Variants in ADAMTSL1 observed in about 807,000 individuals in gnomAD.
ADAMTSL1 encodes ADAMTS-like protein 1.
Under a neutral mutation model 201.8 loss-of-function variants are expected in ADAMTSL1, and 126 were observed. The observed-to-expected ratio is 0.62, with a 90% CI of 0.54 to 0.72. The LOEUF (loss-of-function observed/expected upper bound fraction) is 0.72, where lower values mean the gene tolerates loss of function less well. ADAMTSL1 is among the 30% of genes least tolerant of loss of function. ADAMTSL1 has a pLI of 0.00. For missense variants in ADAMTSL1, 2,679 were observed against 2,277.8 expected, an observed-to-expected ratio of 1.18 and a Z score of -3.59; for synonymous variants, 1,121 against 903.4, an observed-to-expected ratio of 1.24 and a Z score of -4.32.
In ADAMTSL1 at chr9:18,275,267, G is replaced by A. The variant is rs376915693; in HGVS notation, c.207+111286G>A. On this transcript the variant is annotated intron_variant, in intron 2 of 29. Transcript: ENST00000680146. Reference sequence around the variant, plus strand: ...TATTCACTTACTCCCATTATTGTGCGCATTACTTTATAGCTATTAATAAAA... The same window carrying A: ...TATTCACTTACTCCCATTATTGTGCACATTACTTTATAGCTATTAATAAAA... Among the ~76,000 whole-genome samples, 41 of 152,186 alleles carry A rather than the reference G, an allele frequency of 2.7e-4. No homozygotes were observed. The South Asian group carries it at 2.7e-3, about 10-fold the overall frequency.
intron 1 of ADAMTSL1, among the ~76,000 whole-genome samples, chr9:18,079,213 T>C (rs1272400034): frequency 1.3e-5 from 2 of 152,224 alleles, no homozygotes; most frequent in African/African-American, 2.4e-5. Flanking sequence ...CTCAGTCTTT[T>C]ACTCTCATCC....
chr9:18,825,997 T>A, intron 21 of ADAMTSL1: 2 of 563,336 alleles, frequency 3.6e-6, no homozygotes, highest in Middle Eastern at 4.6e-4. Context: ...TGTACTGGCC[T>A]CCCTCTTCCT....
At chr9:18,675,718 G>C (rs779976033) in intron 9 of ADAMTSL1, 139 bp from the exon 10 acceptor site, 182 of 744,728 alleles carry the variant, frequency 2.4e-4, no homozygotes, top group Non-Finnish European at 1.2e-4. Context: ...ATATAAAACT[G>C]TTTTAGTGTT....
chr9:18,017,063 CTT>C (rs1820288409), intron 1 of ADAMTSL1, among the ~76,000 whole-genome samples: 1 of 152,036 alleles, frequency 6.6e-6, no homozygotes, highest in South Asian at 2.1e-4. Flanking sequence ...TGGACTCAAA[CTT>C]TTCAACACTG....
At chr9:18,436,737 T>C (rs541356927) in intron 2 of ADAMTSL1, among the ~76,000 whole-genome samples, 21 of 152,278 alleles carry the variant, frequency 1.4e-4, no homozygotes, top group African/African-American at 5.1e-4. Context: ...AAAATCCCTC[T>C]TTAGTTTCCA....
At chr9:17,915,376 T>C (rs10810872) in intron 1 of ADAMTSL1, among the ~76,000 whole-genome samples, 19,976 of 152,240 alleles carry the variant, frequency 0.13, 1,367 homozygotes, top group Middle Eastern at 0.18. Flanking sequence ...ATTCCTGTTA[T>C]AGCATGTATC....
chr9:18,579,658 C>T (rs1010356534), intron 4 of ADAMTSL1, among the ~76,000 whole-genome samples: 1 of 152,146 alleles, frequency 6.6e-6, no homozygotes, highest in Admixed American at 6.5e-5. Context: ...GGGGCACTGA[C>T]TTCCCAATGA....
At chr9:18,628,375 T>A (rs1441071815) in intron 5 of ADAMTSL1, among the ~76,000 whole-genome samples, 1 of 152,218 alleles carries the variant, frequency 6.6e-6, no homozygotes, top group Non-Finnish European at 1.5e-5. Context: ...TCTTTAAACC[T>A]TGTCAAAAAT....
intron 19 of ADAMTSL1, among the ~76,000 whole-genome samples, chr9:18,793,666 G>T (rs1303898349): frequency 6.6e-6 from 1 of 152,162 alleles, no homozygotes; most frequent in Non-Finnish European, 1.5e-5. Context: ...AGCTAGAAAT[G>T]ACTAGCTTCA....
At chr9:18,825,950 G>C (rs545314530) in intron 21 of ADAMTSL1, among the ~76,000 whole-genome samples, 12 of 152,156 alleles carry the variant, frequency 7.9e-5, no homozygotes, top group African/African-American at 2.4e-4. Flanking sequence ...TTCCACCTTG[G>C]CAAGCCCCCC....
rs576689489 is a variant in ADAMTSL1, at chr9:18,038,318, A to T, written c.88-125544A>T. Among the ~76,000 whole-genome samples the T allele has an allele frequency of 2.8e-3, 426 of 152,252 alleles. 2 individuals are homozygous for T. Among genetic ancestry groups the T allele is most frequent in the Non-Finnish European group, 4.1e-3 (279 of 68,000 alleles). On this transcript the variant is annotated intron_variant, in intron 1 of 29. Transcript: ENST00000680146. ...TCTCTGGGCCTCTGGGGATCTTAGA[A>T]TGGTCCATTCTCTCTATACTCTAAA... is the stretch of plus-strand genomic sequence containing the variant.
intron 26 of ADAMTSL1, among the ~76,000 whole-genome samples, chr9:18,898,082 G>A (rs997487366): frequency 9.2e-5 from 14 of 151,908 alleles, no homozygotes; most frequent in Admixed American, 1.3e-4. Context: ...CCAACTACTC[G>A]GGAGGCTGAG....
chr9:18,327,622 G>A (rs999592305), intron 2 of ADAMTSL1, among the ~76,000 whole-genome samples: 1 of 152,172 alleles, frequency 6.6e-6, no homozygotes, highest in Non-Finnish European at 1.5e-5. Context: ...ATCACCAATA[G>A]TTACACTTCA....
chr9:18,548,999 A>T (rs927635770), intron 3 of ADAMTSL1, among the ~76,000 whole-genome samples: 1 of 151,948 alleles, frequency 6.6e-6, no homozygotes, highest in Non-Finnish European at 1.5e-5. Context: ...CCCTTAAGAG[A>T]TACAGAGAGT....
At chr9:18,779,876 G>A (rs1821284697) in intron 19 of ADAMTSL1, among the ~76,000 whole-genome samples, 1 of 152,120 alleles carries the variant, frequency 6.6e-6, no homozygotes, top group Non-Finnish European at 1.5e-5. Context: ...TAGGTACAAC[G>A]TTTTATTTCT....
At chr9:18,055,772 G>A (rs1822154720) in intron 1 of ADAMTSL1, among the ~76,000 whole-genome samples, 1 of 152,180 alleles carries the variant, frequency 6.6e-6, no homozygotes, top group South Asian at 2.1e-4. Context: ...AGGTAAATTA[G>A]GATAAAGCTC....
At chr9:18,113,140 G>A (rs1192799643) in intron 1 of ADAMTSL1, among the ~76,000 whole-genome samples, 3 of 152,222 alleles carry the variant, frequency 2.0e-5, no homozygotes, top group African/African-American at 4.8e-5. Flanking sequence ...ATTTAGATAC[G>A]ATGGGATTGT....
At chr9:18,085,618 C>T (rs557425498) in intron 1 of ADAMTSL1, among the ~76,000 whole-genome samples, 65 of 139,888 alleles carry the variant, frequency 4.6e-4, no homozygotes, top group East Asian at 3.1e-3. Flanking sequence ...TGTGTGTATA[C>T]GTATATACAC....
intron 1 of ADAMTSL1, among the ~76,000 whole-genome samples, chr9:18,134,412 G>T (rs1322740842): frequency 6.6e-6 from 1 of 152,142 alleles, no homozygotes; most frequent in East Asian, 1.9e-4. Flanking sequence ...TTCAATTCTG[G>T]TTATTGACAA....
Sources: allele counts gnomAD v4.1 joint callset (sites outside exome capture counted in the v4.1 genomes callset), GRCh38; gene constraint gnomAD v4.1.1; transcripts MANE v1.5; gene names NCBI Gene and HGNC (gene_info 2026-07-23, HGNC 2026-07-21).